The following NELL2 variants were observed in gnomAD, a reference collection of about 807,000 sequenced individuals.
NELL2 encodes neural EGFL like 2.
In NELL2, 41 loss-of-function variants were observed where a neutral mutation model predicts 109.6. That is an observed-to-expected ratio of 0.37 (90% CI 0.29 to 0.49). NELL2 has a LOEUF of 0.49. Among genes scored for constraint, NELL2 ranks in the 20% least tolerant of loss-of-function variants. The probability of loss-of-function intolerance (pLI) is 0.98; values close to 1 mark genes in which losing one functional copy is unlikely to be tolerated. For synonymous variants in NELL2, 355 were observed against 344.7 expected (o/e 1.03, Z -0.33); for missense variants, 900 against 1,008.3 (o/e 0.89, Z 1.45).
intron 1 of NELL2, among the ~76,000 whole-genome samples, chr12:44,892,094 C>T (rs1945540964): frequency 6.6e-6 from 1 of 152,106 alleles, no homozygotes; most frequent in Admixed American, 6.6e-5. Flanking sequence ...AGGCTGTCAC[C>T]CAGCTGAGAG....
At chr12:44,705,152 G>A (rs1353274129) in intron 11 of NELL2, among the ~76,000 whole-genome samples, 2 of 151,824 alleles carry the variant, frequency 1.3e-5, no homozygotes, top group Non-Finnish European at 2.9e-5. Context: ...CATCTTATCT[G>A]TAATCAAATT....
intron 3 of NELL2, among the ~76,000 whole-genome samples, chr12:44,797,403 A>C (rs1274490418): frequency 6.6e-6 from 1 of 152,076 alleles, no homozygotes; most frequent in African/African-American, 2.4e-5. Flanking sequence ...CACATAGCAG[A>C]TGTGCAAAAA....
intron 15 of NELL2, among the ~76,000 whole-genome samples, chr12:44,588,104 G>C (rs1039143103): frequency 2.6e-5 from 4 of 151,360 alleles, no homozygotes; most frequent in Admixed American, 6.6e-5. Context: ...GGAGGCGGAG[G>C]TTGCAGTGAG....
upstream of NELL2, among the ~76,000 whole-genome samples, chr12:44,880,114 T>TGCACAC (rs1945393947): frequency 7.3e-6 from 1 of 137,058 alleles, no homozygotes; most frequent in African/African-American, 2.6e-5. Flanking sequence ...TCAAGAAACA[T>TGCACAC]ACACACACAC....
intron 15 of NELL2, among the ~76,000 whole-genome samples, chr12:44,562,560 G>A (rs1386180247): frequency 2.0e-5 from 3 of 151,984 alleles, no homozygotes; most frequent in Admixed American, 1.3e-4. Flanking sequence ...ACAAACATAC[G>A]AAAAAAAGCT....
intron 12 of NELL2, among the ~76,000 whole-genome samples, chr12:44,689,391 C>T (rs1343813215): frequency 6.6e-6 from 1 of 152,034 alleles, no homozygotes; most frequent in Non-Finnish European, 1.5e-5. Flanking sequence ...GTTTTTATAC[C>T]TAATTTTGTT....
At chr12:44,905,957 C>A (rs566963706) in intron 1 of NELL2, among the ~76,000 whole-genome samples, 1 of 151,912 alleles carries the variant, frequency 6.6e-6, no homozygotes, top group East Asian at 1.9e-4. Flanking sequence ...AACTAAATTG[C>A]CTATAATTAA....
At chr12:44,807,157 G>A (rs922443557) in intron 3 of NELL2, among the ~76,000 whole-genome samples, 1 of 151,562 alleles carries the variant, frequency 6.6e-6, no homozygotes, top group Admixed American at 6.6e-5. Context: ...AAGAAGCAAC[G>A]TTTGAAATGC....
upstream of NELL2, chr12:44,876,770 CA>C (rs1270441710): frequency 1.4e-6 from 2 of 1,452,436 alleles, no homozygotes; most frequent in Non-Finnish European, 1.8e-6. Flanking sequence ...GGGTGCAGGG[CA>C]CTCCCCCTCC....
At chr12:44,671,578 G>A (rs913767099) in intron 12 of NELL2, among the ~76,000 whole-genome samples, 1 of 151,964 alleles carries the variant, frequency 6.6e-6, no homozygotes, top group African/African-American at 2.4e-5. Context: ...AACAAAAATG[G>A]GGACCATGTA....
chr12:44,574,807 G>T (rs146099355), intron 15 of NELL2, among the ~76,000 whole-genome samples: 1 of 152,250 alleles, frequency 6.6e-6, no homozygotes, highest in African/African-American at 2.4e-5. Context: ...TCTTATCTTT[G>T]TTAGGTATTT....
intron 3 of NELL2, among the ~76,000 whole-genome samples, chr12:44,788,104 A>T (rs1357755810): frequency 6.6e-6 from 1 of 152,194 alleles, no homozygotes; most frequent in African/African-American, 2.4e-5. Flanking sequence ...CTCAAAACTC[A>T]GCAATTAAAA....
Position 44,750,712 on chromosome 12 carries a change from C to T in NELL2, c.994+24035G>A, listed in dbSNP as rs191723031. ...GGGTCAAAGCGTTCAGGAAAACCTT[C>T]TATTATGTTTCTATATAATAGATAT... On this transcript the variant is annotated intron_variant, in intron 9 of 19. Transcript: ENST00000429094. 2.6e-5 allele frequency among the ~76,000 whole-genome samples: 4 copies of T among 152,158 alleles called. No homozygotes were observed. The East Asian group carries it at 7.7e-4, about 29-fold the overall frequency.
intron 19 of NELL2, among the ~76,000 whole-genome samples, chr12:44,519,720 AC>A (rs1288277754): frequency 1.3e-5 from 2 of 152,162 alleles, no homozygotes; most frequent in African/African-American, 4.8e-5. Context: ...AAAGATGTGT[AC>A]GGTTAGATAT....
intron 9 of NELL2, among the ~76,000 whole-genome samples, chr12:44,766,222 A>G (rs1183228994): frequency 1.3e-5 from 2 of 152,160 alleles, no homozygotes; most frequent in Non-Finnish European, 2.9e-5. Context: ...TTCTTAATCT[A>G]TAATAACTTT....
chr12:44,843,281 A>G (rs1489440183), intron 2 of NELL2, among the ~76,000 whole-genome samples: 1 of 152,206 alleles, frequency 6.6e-6, no homozygotes, highest in Admixed American at 6.5e-5. Flanking sequence ...ATCTATTGGA[A>G]TGGCAAATAA....
At chr12:44,571,099 A>G (rs1294743465) in intron 15 of NELL2, among the ~76,000 whole-genome samples, 1 of 152,172 alleles carries the variant, frequency 6.6e-6, no homozygotes, top group African/African-American at 2.4e-5. Flanking sequence ...TCTTATAAAG[A>G]AGTTCTTAAA....
intron 15 of NELL2, among the ~76,000 whole-genome samples, chr12:44,555,016 C>A (rs544956805): frequency 1.1e-3 from 165 of 152,326 alleles, no homozygotes; most frequent in African/African-American, 3.9e-3. Context: ...TGGAGGAAGA[C>A]ATACTCCAAC....
At chr12:44,844,021 C>CA (rs1202549371) in intron 2 of NELL2, among the ~76,000 whole-genome samples, 3 of 151,706 alleles carry the variant, frequency 2.0e-5, no homozygotes, top group Non-Finnish European at 4.4e-5. Flanking sequence ...GACCCTGTCT[C>CA]AAAAAAACAA....
Sources: gnomAD v4.1 joint callset for allele counts (sites outside exome capture counted in the v4.1 genomes callset) on GRCh38, gnomAD v4.1.1 for gene constraint, MANE v1.5 for transcripts, NCBI Gene and HGNC (gene_info 2026-07-23, HGNC 2026-07-21) for gene names.